Variants in SKP2 observed in about 807,000 individuals in gnomAD.
SKP2 encodes S-phase kinase associated protein 2.
A neutral mutation model predicts 51.8 loss-of-function variants in SKP2; 16 were observed. The observed-to-expected ratio is 0.31, with a 90% CI of 0.21 to 0.47. SKP2 has a LOEUF of 0.47. SKP2 is among the 20% of genes least tolerant of loss of function. The pLI is 1.00. For missense variants in SKP2, 377 were observed against 505.3 expected (o/e 0.75, Z 2.43); for synonymous variants, 176 against 198.6 (o/e 0.89, Z 0.96).
intron 5 of SKP2, among the ~76,000 whole-genome samples, chr5:36,168,879 C>G (rs2111981933): frequency 6.6e-6 from 1 of 152,316 alleles, no homozygotes; most frequent in South Asian, 2.1e-4. Context: ...TTAAATGTTT[C>G]AGTGAATATG....
intron 3 of SKP2, among the ~76,000 whole-genome samples, chr5:36,163,987 C>T (rs529376863): frequency 1.3e-5 from 2 of 152,270 alleles, no homozygotes; most frequent in South Asian, 4.1e-4. Flanking sequence ...GTATTCAGTG[C>T]AGCATGTGTT....
rs765631915 is a variant in SKP2, at chr5:36,182,062, T to C, written c.*31T>C. ...TTATTGCAGGATGGTGTCTCTTCTT[T>C]AGAACAGGGAAAATAGGCAGGAAGC... On this transcript the variant is annotated 3_prime_UTR_variant, in exon 10 of 10. Coordinates refer to ENST00000274255, the MANE Select transcript of SKP2 (RefSeq NM_005983.4). 2.5e-6 allele frequency: 4 copies of C among 1,608,536 alleles called. No homozygotes were observed. Among genetic ancestry groups the C allele is most frequent in the South Asian group, 1.1e-5 (1 of 90,632 alleles).
rs1745844553 is a variant in SKP2, at chr5:36,182,537, G to C, written c.*506G>C. ...TCTGAGGCCATCTTTTCTAGGAATA[G>C]GAAAGAGAAAAATGTATTTGAATTT... is the stretch of plus-strand genomic sequence containing the variant. On this transcript the variant is annotated 3_prime_UTR_variant, in exon 10 of 10. Coordinates refer to ENST00000274255, the MANE Select transcript of SKP2 (RefSeq NM_005983.4). The C allele has an allele frequency of 1.0e-6, 1 of 985,238 alleles. No homozygotes were observed. The highest frequency in any genetic ancestry group is 1.2e-6 in the Non-Finnish European group (1 of 829,878). The allele number at this position is 985,238 out of a possible 1,614,324, so 61.0% of individuals were successfully genotyped here.
At position 36,182,294 on chromosome 5, in the gene SKP2, T is replaced by C. The variant is rs185460179; in HGVS notation, c.*263T>C. ...GGAGAGTGAGCCTATAATTTCAAGATACCTTAAAGAGCAAAATTTGAGCCA... is the reference window on the plus strand; with the variant it reads ...GGAGAGTGAGCCTATAATTTCAAGACACCTTAAAGAGCAAAATTTGAGCCA... On this transcript the variant is annotated 3_prime_UTR_variant, in exon 10 of 10. Coordinates refer to ENST00000274255, the MANE Select transcript of SKP2 (RefSeq NM_005983.4). 66 of 1,200,034 alleles carry C rather than the reference T, an allele frequency of 5.5e-5. No homozygotes were observed. The East Asian group carries it at 2.6e-3, about 47-fold the overall frequency. The allele number at this position is 1,200,034 out of a possible 1,614,324, so 74.3% of individuals were successfully genotyped here.
chr5:36,191,344 AC>A (rs1395639350), intron 6 of SKP2, among the ~76,000 whole-genome samples: 1 of 152,106 alleles, frequency 6.6e-6, no homozygotes, highest in Non-Finnish European at 1.5e-5. Context: ...AATTGTCTGG[AC>A]AAAATGTCAA....
At chr5:36,171,562 T>G (rs372656951) in intron 6 of SKP2, 41 bp from the exon 7 acceptor site, 1 of 1,596,748 alleles carries the variant, frequency 6.3e-7, no homozygotes, top group Non-Finnish European at 8.6e-7. Context: ...CATTCCCGTG[T>G]GATGGTTTCA....
downstream of SKP2, among the ~76,000 whole-genome samples, chr5:36,188,016 G>A (rs965250612): frequency 2.0e-5 from 3 of 152,092 alleles, no homozygotes; most frequent in Non-Finnish European, 2.9e-5. Flanking sequence ...GATCTTTGTT[G>A]GTTTAAAGTC....
chr5:36,164,463 G>A (rs1258027449), intron 3 of SKP2, among the ~76,000 whole-genome samples: 1 of 152,192 alleles, frequency 6.6e-6, no homozygotes, highest in African/African-American at 2.4e-5. Flanking sequence ...TTATCAACTG[G>A]AACTTTTTAC....
In SKP2 at chr5:36,159,120, T is replaced by C. The variant is rs527683567; in HGVS notation, c.281-4525T>C. 2.0e-5 allele frequency among the ~76,000 whole-genome samples: 3 copies of C among 152,324 alleles called. No homozygotes were observed. The East Asian group carries it at 5.8e-4, about 29-fold the overall frequency. On this transcript the variant is annotated intron_variant, in intron 2 of 9. Coordinates refer to ENST00000274255, the MANE Select transcript of SKP2 (RefSeq NM_005983.4). Reference sequence around the variant, plus strand: ...TCTGGGCATGGGGCCTGTGGTGGTATCCTGGGTGGGAATGCTTCTTTGAGC... The same window carrying C: ...TCTGGGCATGGGGCCTGTGGTGGTACCCTGGGTGGGAATGCTTCTTTGAGC...
At chr5:36,168,220 G>C in intron 4 of SKP2, 93 bp from the exon 5 acceptor site, 1 of 1,159,764 alleles carries the variant, frequency 8.6e-7, no homozygotes, top group Non-Finnish European at 1.2e-6. Flanking sequence ...GTTTGTGATT[G>C]GCTGCTCATT....
At chr5:36,174,740 TAA>T (rs1262961687) in intron 7 of SKP2, among the ~76,000 whole-genome samples, 1 of 152,070 alleles carries the variant, frequency 6.6e-6, no homozygotes, top group Non-Finnish European at 1.5e-5. Flanking sequence ...ATGGAATGGT[TAA>T]AGACAGGGCC....
intron 9 of SKP2, among the ~76,000 whole-genome samples, chr5:36,177,662 T>G (rs1320543196): frequency 6.6e-6 from 1 of 151,990 alleles, no homozygotes; most frequent in Non-Finnish European, 1.5e-5. Flanking sequence ...TTCCAAATTT[T>G]TCGGATTAAC....
Position 36,183,739 on chromosome 5 carries a change from C to T in SKP2, c.*1708C>T, listed in dbSNP as rs930521045. 4.3e-5 allele frequency: 62 copies of T among 1,448,304 alleles called. No homozygotes were observed. Among genetic ancestry groups the T allele is most frequent in the Non-Finnish European group, 5.6e-5 (62 of 1,102,644 alleles). The allele number at this position is 1,448,304 out of a possible 1,614,324, so 89.7% of individuals were successfully genotyped here. On this transcript the variant is annotated 3_prime_UTR_variant, in exon 10 of 10. Coordinates refer to ENST00000274255, the MANE Select transcript of SKP2 (RefSeq NM_005983.4). ...TATGAAGTGCCTTTATCTGCTTAGA[C>T]CTAAGGAAGATTTTAAAGTTGGGTT...
chr5:36,169,765 G>T (rs1745409135), intron 5 of SKP2, among the ~76,000 whole-genome samples: 1 of 152,184 alleles, frequency 6.6e-6, no homozygotes. Flanking sequence ...CCTTTTTATA[G>T]TTGTGGAAAC....
At chr5:36,174,944 C>G (rs1745585217) in intron 7 of SKP2, among the ~76,000 whole-genome samples, 1 of 152,086 alleles carries the variant, frequency 6.6e-6, no homozygotes, top group Non-Finnish European at 1.5e-5. Flanking sequence ...TAAGCCAAGG[C>G]AAAAGCTTTG....
intron 9 of SKP2, among the ~76,000 whole-genome samples, chr5:36,180,676 G>A (rs970343255): frequency 2.6e-5 from 4 of 152,140 alleles, no homozygotes; most frequent in Admixed American, 1.3e-4. Context: ...AGGTTTTGGA[G>A]CAGATGAATG....
At chr5:36,193,321 A>C (rs1201045030) in intron 7 of SKP2, 2 of 151,942 alleles carry the variant, frequency 1.3e-5, no homozygotes, top group Non-Finnish European at 2.9e-5. Context: ...CTAAAAATAC[A>C]AAAAATTAGC....
Position 36,180,377 on chromosome 5 carries a change from A to G in SKP2, c.1062-1441A>G, listed in dbSNP as rs1031423740. ...TCCAGAAAGCAGTTTACTTAATGAC[A>G]GCAATTTGTTCTTTCTGATTTTCTT... On this transcript the variant is annotated intron_variant, in intron 9 of 9. Transcript: ENST00000274255. 5.2e-6 allele frequency: 3 copies of G among 579,578 alleles called. No homozygotes were observed. The African/African-American group carries it at 5.8e-5, about 11-fold the overall frequency. The allele number at this position is 579,578 out of a possible 1,614,324, so 35.9% of individuals were successfully genotyped here.
chr5:36,193,368 T>TG (rs1056990138), intron 7 of SKP2: 1 of 147,458 alleles, frequency 6.8e-6, no homozygotes, highest in Non-Finnish European at 1.5e-5. Flanking sequence ...CCCAGCTACT[T>TG]GGGAGGCTGA....
Sources: allele counts gnomAD v4.1 joint callset (sites outside exome capture counted in the v4.1 genomes callset), GRCh38; gene constraint gnomAD v4.1.1; transcripts MANE v1.5; gene names NCBI Gene and HGNC (gene_info 2026-07-23, HGNC 2026-07-21).